LRSAM1: variants seen among roughly 807,000 people sequenced by gnomAD.
The protein encoded by LRSAM1 is E3 ubiquitin-protein ligase LRSAM1.
LRSAM1 carries 96 observed loss-of-function variants against 118.1 expected under a neutral mutation model. That is an observed-to-expected ratio of 0.81 (90% confidence interval 0.69 to 0.96). LRSAM1 has a LOEUF of 0.96. Among genes scored for constraint, LRSAM1 ranks in the 40% least tolerant of loss-of-function variants. LRSAM1 has a pLI of 0.00. For synonymous variants in LRSAM1, 322 were observed against 364.2 expected (o/e 0.88, Z 1.32); for missense variants, 804 against 915.5 (o/e 0.88, Z 1.57).
rs1834730440 is a variant in LRSAM1 at position 127,461,227 on chromosome 9, C to T, written c.376C>T (p.Leu126=). 3.1e-6 allele frequency: 5 copies of T among 1,612,322 alleles called. No individual in the cohort carries two copies. In the East Asian group the frequency reaches 1.1e-4, roughly 36 times the overall value. ...LMQLPRSIGN[L]TQLQTLNVKD... ...GCAGCTCCCACGTTCCATTGGGAAC[C>T]TGACCCAGCTCCAGACTCTCAATGT... is the stretch of plus-strand genomic sequence containing the variant. The change falls in exon 8 of 26, where the codon CTG becomes TTG. Residue 126 remains leucine, a synonymous_variant. Transcript: ENST00000300417.
intron 10 of LRSAM1, among the ~76,000 whole-genome samples, chr9:127,471,267 C>G (rs1328205181): frequency 6.7e-6 from 1 of 149,674 alleles, no homozygotes; most frequent in Non-Finnish European, 1.5e-5. Context: ...TCGCTTGAGC[C>G]CAGGAGTTCA....
At chr9:127,458,964 T>C in intron 6 of LRSAM1, 39 bp from the exon 7 acceptor site, 3 of 1,610,464 alleles carry the variant, frequency 1.9e-6, no homozygotes, top group South Asian at 2.2e-5. Context: ...TCTGAGGGAC[T>C]TTCTCACTTG....
chr9:127,478,865 C>T, intron 11 of LRSAM1, 69 bp from the exon 12 acceptor site: 1 of 1,536,586 alleles, frequency 6.5e-7, no homozygotes, highest in Non-Finnish European at 9.0e-7. Context: ...CCCGGGGGTT[C>T]CTGGTGCCCA....
Position 127,501,134 on chromosome 9 carries a change from G to A in LRSAM1, c.2037G>A (p.Leu679=), listed in dbSNP as rs765677256. The change falls in exon 25 of 26, where the codon CTG becomes CTA. Residue 679 remains leucine, a synonymous_variant. Transcript: ENST00000300417. ...EVQASECVVC[L]EREAQMIFLN... ...AGGCCTCAGAGTGTGTCGTGTGCCTGGAACGGGAGGTAAGTCCGGGGCCCT... is the reference window on the plus strand; with the variant it reads ...AGGCCTCAGAGTGTGTCGTGTGCCTAGAACGGGAGGTAAGTCCGGGGCCCT... The A allele has an allele frequency of 2.5e-6, 4 of 1,613,248 alleles. No individual in the cohort carries two copies. In the Admixed American group the frequency reaches 5.0e-5, roughly 20 times the overall value.
chr9:127,474,062 G>T (rs994187163), intron 11 of LRSAM1, 131 bp downstream of exon 11: 2 of 1,436,156 alleles, frequency 1.4e-6, no homozygotes, highest in African/African-American at 2.8e-5. Flanking sequence ...CATAGAACTA[G>T]AACTGGCCTC....
In LRSAM1 at chr9:127,491,245, C is replaced by T. The variant is rs780956904; in HGVS notation, c.1453C>T (p.Leu485=). ...IKLIETELLQ[L]TQLELKRKSL... ...GTTAATAGAAACTGAGTTATTGCAG[C>T]TGACACAGCTGGAGTTAAAGAGGAA... Residue 485 remains leucine (L), a synonymous_variant, in exon 20 of 26, where the codon CTG becomes TTG. Transcript: ENST00000300417. 2.5e-5 allele frequency: 40 copies of T among 1,613,824 alleles called. No homozygotes were observed. The Admixed American group carries it at 6.5e-4, about 26-fold the overall frequency.
chr9:127,464,856 T>C (rs1834874029), intron 9 of LRSAM1, among the ~76,000 whole-genome samples: 1 of 152,074 alleles, frequency 6.6e-6, no homozygotes, highest in South Asian at 2.1e-4. Context: ...TTGCCCAGCC[T>C]GGTCTCAAAG....
chr9:127,479,652 C>G (rs1315952080), intron 13 of LRSAM1, 147 bp downstream of exon 13: 1 of 1,373,372 alleles, frequency 7.3e-7, no homozygotes. Context: ...AGGGCCCTTA[C>G]AGATCACCCA....
chr9:127,495,884 A>ATTC, intron 22 of LRSAM1, 80 bp from the exon 23 acceptor site: 2 of 1,568,714 alleles, frequency 1.3e-6, no homozygotes, highest in Non-Finnish European at 1.7e-6. Flanking sequence ...TGTTATAAAT[A>ATTC]TTCAAACCCT....
chr9:127,492,151 G>A (rs1429256637), intron 20 of LRSAM1, among the ~76,000 whole-genome samples: 1 of 152,176 alleles, frequency 6.6e-6, no homozygotes, highest in Non-Finnish European at 1.5e-5. Context: ...GCCCCTCCAG[G>A]CCTTCTTCCC....
chr9:127,494,712 G>A (rs1028760584), intron 21 of LRSAM1, among the ~76,000 whole-genome samples: 1 of 152,144 alleles, frequency 6.6e-6, no homozygotes, highest in Non-Finnish European at 1.5e-5. Context: ...GGGAGGCCGA[G>A]GTGGGCAGAT....
intron 6 of LRSAM1, among the ~76,000 whole-genome samples, chr9:127,457,784 T>TCC (rs1834574771): frequency 6.6e-6 from 1 of 152,060 alleles, no homozygotes; most frequent in Non-Finnish European, 1.5e-5. Flanking sequence ...TCACAACATG[T>TCC]GGGAGGTGTG....
At chr9:127,462,461 C>T in intron 9 of LRSAM1, 88 bp downstream of exon 9, 1 of 1,600,480 alleles carries the variant, frequency 6.2e-7, no homozygotes, top group African/African-American at 1.3e-5. Context: ...GCTCTGATCT[C>T]ACGGTACCAG....
intron 16 of LRSAM1, among the ~76,000 whole-genome samples, 169 bp downstream of exon 16, chr9:127,483,189 G>A (rs1835604576): frequency 6.6e-6 from 1 of 152,198 alleles, no homozygotes; most frequent in African/African-American, 2.4e-5. Flanking sequence ...CCTAGATGTG[G>A]ATGCAGAGTC....
intron 14 of LRSAM1, 128 bp from the exon 15 acceptor site, chr9:127,481,055 A>G: frequency 1.1e-6 from 1 of 913,482 alleles, no homozygotes; most frequent in Non-Finnish European, 1.7e-6. Context: ...CTAAGAACCC[A>G]GAGCTTCAAG....
rs753979299 is a variant in LRSAM1, at chr9:127,496,047, C to A, written c.1782C>A (p.Arg594=). The change falls in exon 23 of 26, where the codon CGC becomes CGA. Residue 594 remains arginine (R), a synonymous_variant. Transcript: ENST00000300417. ...ACCTGCCCATCTTTGCGCACCACCG[C>A]CTCTCACTGGACCTGCTGAGCCAAA... The part of the protein sequence containing the change: ...EHYLPIFAHH[R]LSLDLLSQMS... The A allele has an allele frequency of 6.2e-7, 1 of 1,612,468 alleles. No homozygotes were observed. Among genetic ancestry groups the A allele is most frequent in the Non-Finnish European group, 8.5e-7 (1 of 1,180,022 alleles).
chr9:127,457,630 C>T (rs975687441), intron 6 of LRSAM1, among the ~76,000 whole-genome samples: 6 of 152,218 alleles, frequency 3.9e-5, no homozygotes, highest in Non-Finnish European at 7.3e-5. Context: ...GGAGGAAAGC[C>T]AAGTGACAGC....
intron 19 of LRSAM1, among the ~76,000 whole-genome samples, chr9:127,490,329 T>C (rs1019892749): frequency 1.8e-4 from 27 of 152,074 alleles, no homozygotes; most frequent in African/African-American, 5.6e-4. Flanking sequence ...AATTCCACAT[T>C]GCCGGACATG....
chr9:127,461,238 C>G lies in LRSAM1; in HGVS notation c.387C>G (p.Leu129=). ...LPRSIGNLTQ[L]QTLNVKDNKL... is the part of the protein sequence containing the mutation. ...GTTCCATTGGGAACCTGACCCAGCT[C>G]CAGACTCTCAATGTTAAAGGTAGGG... Residue 129 remains leucine (L), a synonymous_variant, in exon 8 of 26, where the codon CTC becomes CTG. Coordinates refer to ENST00000300417, the MANE Select transcript of LRSAM1 (RefSeq NM_001005373.4). 6.2e-7 allele frequency: 1 copy of G among 1,612,138 alleles called. No individual in the cohort carries two copies. The highest frequency in any genetic ancestry group is 8.5e-7 in the Non-Finnish European group (1 of 1,178,594).
Sources: allele counts gnomAD v4.1 joint callset (sites outside exome capture counted in the v4.1 genomes callset), GRCh38; gene constraint gnomAD v4.1.1; transcripts MANE v1.5; gene names NCBI Gene and HGNC (gene_info 2026-07-23, HGNC 2026-07-21).